The following STK33 variants were observed in gnomAD, a reference collection of about 807,000 sequenced individuals.
STK33 encodes the protein serine/threonine kinase 33, also known as serine/threonine-protein kinase 33.
Under a neutral mutation model 58.0 loss-of-function variants are expected in STK33, and 52 were observed. The observed-to-expected ratio is 0.90, with a 90% CI of 0.72 to 1.13. STK33 has a LOEUF of 1.13. Among genes scored for constraint, STK33 ranks in the 50% most tolerant of loss-of-function variants. The pLI, the probability that STK33 is intolerant of heterozygous loss-of-function variation, is 0.00. For missense variants in STK33, 630 were observed against 604.2 expected (o/e 1.04, Z -0.45); for synonymous variants, 215 against 200.1 (o/e 1.07, Z -0.63).
chr11:8,553,223 ATGGTGTG>A (rs1956479885), intron 1 of STK33, among the ~76,000 whole-genome samples: 1 of 104,122 alleles, frequency 9.6e-6, no homozygotes, highest in Admixed American at 1.0e-4. Context: ...ATATATATAT[ATGGTGTG>A]TATATATATA....
At chr11:8,363,797 G>A in the STK33 span, among the ~76,000 whole-genome samples, 2 of 151,986 alleles carry the variant, frequency 1.3e-5, no homozygotes, top group Non-Finnish European at 2.9e-5. Flanking sequence ...AATATAGTTG[G>A]GAAATAAAAA....
rs147370435 is a variant in STK33 at position 8,423,904 on chromosome 11, T to C, written c.1147-10212A>G. On this transcript the variant is annotated intron_variant, in intron 14 of 15. Transcript: ENST00000687296. ...TAGTTGCATACATTATTAAAATTAC[T>C]ATATAATCTTTTTGAGTTGAATCTT... is the stretch of plus-strand genomic sequence containing the variant. Among the ~76,000 whole-genome samples the C allele has an allele frequency of 3.7e-3, 556 of 152,234 alleles. 9 individuals are homozygous for C. The highest frequency in any genetic ancestry group is 0.012 in the African/African-American group (517 of 41,568).
intron 1 of STK33, among the ~76,000 whole-genome samples, chr11:8,494,224 T>G (rs1348832408): frequency 6.6e-6 from 1 of 152,220 alleles, no homozygotes; most frequent in Non-Finnish European, 1.5e-5. Flanking sequence ...AAAATCTCCT[T>G]AAGCTGATAA....
intron 10 of STK33, among the ~76,000 whole-genome samples, chr11:8,453,514 A>G (rs945295585): frequency 2.6e-5 from 4 of 152,234 alleles, no homozygotes; most frequent in Non-Finnish European, 2.9e-5. Flanking sequence ...CAGGAAAAAA[A>G]CCACAACAAC....
chr11:8,590,113 A>C (rs1380690251), intron 1 of STK33, among the ~76,000 whole-genome samples: 2 of 152,174 alleles, frequency 1.3e-5, no homozygotes, highest in African/African-American at 4.8e-5. Flanking sequence ...CACCATGATA[A>C]TGACAAAGTA....
the STK33 span, among the ~76,000 whole-genome samples, chr11:8,359,919 C>T: frequency 6.6e-6 from 1 of 152,232 alleles, no homozygotes; most frequent in Non-Finnish European, 1.5e-5. Flanking sequence ...ATGGTGACTT[C>T]CAGAGGTGAC....
chr11:8,356,772 CAGAT>C, the STK33 span, among the ~76,000 whole-genome samples: 2 of 152,194 alleles, frequency 1.3e-5, no homozygotes, highest in Non-Finnish European at 2.9e-5. Flanking sequence ...CACCAGCTGT[CAGAT>C]AGCTGGACCG....
At chr11:8,529,365 A>G (rs1954326781) in intron 1 of STK33, among the ~76,000 whole-genome samples, 1 of 152,214 alleles carries the variant, frequency 6.6e-6, no homozygotes, top group Non-Finnish European at 1.5e-5. Flanking sequence ...CTAGTGTAAG[A>G]CAAATTTTTC....
intron 1 of STK33, among the ~76,000 whole-genome samples, chr11:8,567,611 C>A (rs996718720): frequency 6.6e-6 from 1 of 152,106 alleles, no homozygotes; most frequent in African/African-American, 2.4e-5. Flanking sequence ...AACAGAGGAA[C>A]GGGGAAAATC....
intron 1 of STK33, among the ~76,000 whole-genome samples, chr11:8,501,380 T>C (rs952440844): frequency 4.6e-5 from 7 of 152,054 alleles, no homozygotes; most frequent in African/African-American, 1.4e-4. Flanking sequence ...GGCAAAGAAT[T>C]TGAATAAATT....
intron 1 of STK33, among the ~76,000 whole-genome samples, chr11:8,522,301 A>G (rs1364771981): frequency 6.6e-6 from 1 of 152,230 alleles, no homozygotes. Flanking sequence ...AGCCATAAAA[A>G]GGATGAGTTC....
the STK33 span, among the ~76,000 whole-genome samples, chr11:8,345,491 A>T: frequency 0.049 from 7,471 of 152,342 alleles, 259 homozygotes; most frequent in Non-Finnish European, 0.073. Flanking sequence ...AAGCACACGG[A>T]TCTTCACGGA....
chr11:8,577,571 C>T (rs1009719092), intron 1 of STK33, among the ~76,000 whole-genome samples: 11 of 151,966 alleles, frequency 7.2e-5, no homozygotes, highest in South Asian at 2.1e-4. Flanking sequence ...CTTTACTATA[C>T]ATATTCTTTT....
rs906707724 is a variant in STK33, at chr11:8,542,238, C to T, written c.-466+51845G>A. On this transcript the variant is annotated intron_variant, in intron 1 of 15. Transcript: ENST00000687296. ...TAAGGGTTTTATTTCAATATTTCTA[C>T]GATAAATGTGGCTAGTTCCACATGT... 6.6e-5 allele frequency among the ~76,000 whole-genome samples: 10 copies of T among 152,214 alleles called. No individual in the cohort carries two copies. The South Asian group carries it at 8.3e-4, about 13-fold the overall frequency.
At chr11:8,413,120 GA>G (rs1055177394) in intron 15 of STK33, among the ~76,000 whole-genome samples, 1 of 152,096 alleles carries the variant, frequency 6.6e-6, no homozygotes, top group Non-Finnish European at 1.5e-5. Flanking sequence ...TGTTTTGGGG[GA>G]AAAAATAGTT....
intron 1 of STK33, among the ~76,000 whole-genome samples, chr11:8,513,610 G>T (rs1042822997): frequency 6.6e-6 from 1 of 152,034 alleles, no homozygotes; most frequent in Non-Finnish European, 1.5e-5. Context: ...CTGAAATTGA[G>T]GCTGCTTTTT....
chr11:8,337,407 T>C, the STK33 span, among the ~76,000 whole-genome samples: 1 of 152,150 alleles, frequency 6.6e-6, no homozygotes, highest in Non-Finnish European at 1.5e-5. Flanking sequence ...TCCTTCCCTG[T>C]GGGGCTGAGG....
chr11:8,461,707 A>G, intron 8 of STK33, 98 bp downstream of exon 8: 1 of 882,924 alleles, frequency 1.1e-6, no homozygotes, highest in Non-Finnish European at 1.6e-6. Context: ...GGCCAAGGAC[A>G]TGAGCAACTG....
At chr11:8,593,633 G>A (rs2032965401) in intron 1 of STK33, 1 of 152,118 alleles carries the variant, frequency 6.6e-6, no homozygotes, top group Non-Finnish European at 1.5e-5. Flanking sequence ...CTATCTTAAG[G>A]GCAACAGGAA....
Sources: allele counts gnomAD v4.1 joint callset (sites outside exome capture counted in the v4.1 genomes callset), GRCh38; gene constraint gnomAD v4.1.1; transcripts MANE v1.5; gene names NCBI Gene and HGNC (gene_info 2026-07-23, HGNC 2026-07-21).